RPS6KA6: variants seen among roughly 807,000 people sequenced by gnomAD.
The protein encoded by RPS6KA6 is ribosomal protein S6 kinase A6, also known as ribosomal protein S6 kinase alpha-6.
A neutral mutation model predicts 65.4 loss-of-function variants in RPS6KA6; 27 were observed. That is an observed-to-expected ratio of 0.41 (90% CI 0.30 to 0.57). The LOEUF is 0.57. Among genes scored for constraint, RPS6KA6 ranks in the 20% least tolerant of loss-of-function variants. RPS6KA6 has a pLI of 0.24. For missense variants in RPS6KA6, 486 were observed against 555.6 expected, an observed-to-expected ratio of 0.87 and a Z score of 1.26; for synonymous variants, 190 against 184.2, an observed-to-expected ratio of 1.03 and a Z score of -0.26.
chrX:84,107,095 A>G, intron 13 of RPS6KA6, 55 bp from the exon 14 acceptor site: 1 of 999,401 alleles, frequency 1.0e-6, no homozygotes. Context: ...TCTATGATAT[A>G]AAGTGTCAGA....
intron 6 of RPS6KA6, among the ~76,000 whole-genome samples, chrX:84,138,584 G>A (rs1373786792): frequency 1.8e-5 from 2 of 111,985 alleles, no homozygotes; most frequent in Non-Finnish European, 3.8e-5. Context: ...TTATTTCTTT[G>A]CATTTGTTTA....
At chrX:84,122,456 G>A (rs1404039777) in intron 8 of RPS6KA6, among the ~76,000 whole-genome samples, 1 of 93,062 alleles carries the variant, frequency 1.1e-5, no homozygotes, top group Non-Finnish European at 2.0e-5. Context: ...TCAGCCTCCT[G>A]AGTAGCTAGG....
chrX:84,113,152 T>A (rs1280353637), intron 12 of RPS6KA6, among the ~76,000 whole-genome samples: 3 of 110,746 alleles, frequency 2.7e-5, no homozygotes, highest in South Asian at 7.5e-4. Flanking sequence ...AAAGGAACAG[T>A]GAAACTGAGC....
intron 3 of RPS6KA6, 62 bp downstream of exon 3, chrX:84,156,013 T>C: frequency 3.4e-6 from 2 of 595,434 alleles, no homozygotes; most frequent in Middle Eastern, 3.2e-4. Context: ...TCTACGTATG[T>C]GTTCACTTTT....
At chrX:84,165,944 G>A (rs1428047896) in intron 1 of RPS6KA6, among the ~76,000 whole-genome samples, 1 of 112,046 alleles carries the variant, frequency 8.9e-6, no homozygotes, top group East Asian at 2.8e-4. Context: ...AGAAATCAGA[G>A]AGGATAGAAT....
Position 84,156,134 on chromosome X carries a change from T to C in RPS6KA6, c.199A>G (p.Lys67Glu). 1 of 1,199,784 alleles carries C rather than the reference T, an allele frequency of 8.3e-7. No homozygotes were observed. The highest frequency in any genetic ancestry group is 1.1e-6 in the Non-Finnish European group (1 of 885,014). Residue 67 changes from lysine to glutamate, a missense_variant, in exon 3 of 22, where the codon AAA (lysine) becomes GAA (glutamate). Physicochemically the swap from Lys to Glu is moderately conservative, Grantham distance 56. This residue lies in a region of RPS6KA6 where 106 missense variants were observed against 105.0 expected (regional missense o/e 1.01). Transcript: ENST00000262752. ...ITHHVKEGYE[K>E]ADPAQFELLK... ...AACTCAAACTGTGCAGGATCTGCTT[T>C]CTCATAGCCTTCCTTAACATGATGA...
chrX:84,175,246 C>T (rs2035746397), intron 1 of RPS6KA6, among the ~76,000 whole-genome samples: 1 of 111,257 alleles, frequency 9.0e-6, no homozygotes, highest in African/African-American at 3.3e-5. Context: ...GGTTCCAGGA[C>T]CTCTCGTGGA....
chrX:84,178,789 C>A (rs2035805541), intron 1 of RPS6KA6, among the ~76,000 whole-genome samples: 1 of 110,576 alleles, frequency 9.0e-6, no homozygotes, highest in African/African-American at 3.3e-5. Context: ...AGAAATGGAT[C>A]AAAGACCTAA....
At chrX:84,121,574 C>A (rs1000235615) in intron 8 of RPS6KA6, among the ~76,000 whole-genome samples, 3 of 112,149 alleles carry the variant, frequency 2.7e-5, no homozygotes, top group Admixed American at 9.5e-5. Flanking sequence ...ATGCATACTG[C>A]AGTGATTTAG....
chrX:84,125,462 T>G (rs1318673669), intron 8 of RPS6KA6, among the ~76,000 whole-genome samples: 1 of 111,867 alleles, frequency 8.9e-6, no homozygotes, highest in African/African-American at 3.3e-5. Flanking sequence ...GGACAATCAG[T>G]GTTAAGTTTT....
At chrX:84,160,680 A>G (rs1353678181) in intron 2 of RPS6KA6, among the ~76,000 whole-genome samples, 1 of 111,384 alleles carries the variant, frequency 9.0e-6, no homozygotes, top group Admixed American at 9.6e-5. Context: ...TAAAAATCCA[A>G]GAATCATTTA....
chrX:84,150,915 GATATATATAGGATAT>G lies in RPS6KA6; in HGVS notation c.259-2807_259-2793del, dbSNP rs1233218940. On this transcript the variant is annotated intron_variant, in intron 3 of 21. Coordinates refer to ENST00000262752, the MANE Select transcript of RPS6KA6 (RefSeq NM_014496.5). Reference sequence around the variant, plus strand: ...GGATATATATAGGATATATAGAGAGGATATATATAGGATATATATATAGAGGATATATATAGGATA... The same window carrying G: ...GGATATATATAGGATATATAGAGAGGATATATAGAGGATATATATAGGATA... 3.7e-5 allele frequency among the ~76,000 whole-genome samples: 3 copies of G among 80,620 alleles called. 1 individual carries two copies. Among genetic ancestry groups the G allele is most frequent in the Middle Eastern group, 0.016 (2 of 124 alleles). 70.0% of individuals were successfully genotyped at this position (80,620 alleles called of 115,157 possible). A position where few individuals can be genotyped will look rare whatever the true frequency, so the allele number is the denominator to read the frequency against.
rs1034766663 is a variant in RPS6KA6 at position 84,061,202 on chromosome X, T to G, written c.*3075A>C. ...TGGGCCTTAGGGCCAAGATAAATGG[T>G]TGTTTTCCTTCTTCATATATGAAAG... On this transcript the variant is annotated 3_prime_UTR_variant, in exon 22 of 22. Transcript: ENST00000262752. 8.9e-6 allele frequency: 1 copy of G among 112,446 alleles called. No individual in the cohort carries two copies. Among genetic ancestry groups the G allele is most frequent in the Non-Finnish European group, 1.9e-5 (1 of 53,208 alleles). The allele number at this position is 112,446 out of a possible 1,213,427, so 9.3% of individuals were successfully genotyped here.
rs2033275794 is a variant in RPS6KA6 at position 84,059,985 on chromosome X, T to A, written c.*4292A>T. On this transcript the variant is annotated 3_prime_UTR_variant, in exon 22 of 22. Coordinates refer to ENST00000262752, the MANE Select transcript of RPS6KA6 (RefSeq NM_014496.5). ...TATAATTTAATATATTCAAGTATAG[T>A]TCCCTTTTCTCTTATGTATTAGCAA... is the stretch of plus-strand genomic sequence containing the variant. 8.9e-6 allele frequency: 1 copy of A among 112,089 alleles called. No individual in the cohort carries two copies. The highest frequency in any genetic ancestry group is 1.9e-5 in the Non-Finnish European group (1 of 53,189). 9.2% of individuals were successfully genotyped at this position (112,089 alleles called of 1,213,427 possible).
intron 1 of RPS6KA6, among the ~76,000 whole-genome samples, chrX:84,183,838 T>C (rs916916707): frequency 7.8e-5 from 8 of 102,832 alleles, no homozygotes; most frequent in Non-Finnish European, 1.4e-4. Context: ...CACCACCCCA[T>C]TGTTGATAAT....
At chrX:84,182,863 T>C (rs1013285917) in intron 1 of RPS6KA6, among the ~76,000 whole-genome samples, 2 of 112,165 alleles carry the variant, frequency 1.8e-5, no homozygotes, top group Non-Finnish European at 3.8e-5. Flanking sequence ...AAATAAGTAC[T>C]GGTCATTATT....
At chrX:84,130,059 G>A (rs1378635813) in intron 8 of RPS6KA6, among the ~76,000 whole-genome samples, 2 of 111,299 alleles carry the variant, frequency 1.8e-5, no homozygotes, top group Non-Finnish European at 3.8e-5. Flanking sequence ...CATTTACCCT[G>A]ATGTGATTAT....
chrX:84,071,197 G>A (rs937556008), intron 20 of RPS6KA6, among the ~76,000 whole-genome samples: 6 of 111,112 alleles, frequency 5.4e-5, no homozygotes, highest in Non-Finnish European at 3.8e-5. Context: ...AGCAGAGAGA[G>A]AGAATTACAA....
At chrX:84,114,654 A>G (rs752623113) in intron 12 of RPS6KA6, among the ~76,000 whole-genome samples, 1 of 112,213 alleles carries the variant, frequency 8.9e-6, no homozygotes, top group Non-Finnish European at 1.9e-5. Flanking sequence ...TAGCCAAAGC[A>G]ACCCTAAGTA....
Sources: allele counts gnomAD v4.1 joint callset (sites outside exome capture counted in the v4.1 genomes callset), GRCh38; gene constraint gnomAD v4.1.1; regional missense constraint gnomAD v4.1.1; transcripts MANE v1.5; gene names NCBI Gene and HGNC (gene_info 2026-07-23, HGNC 2026-07-21).